The following RGS6 variants were observed in gnomAD, a reference collection of about 807,000 sequenced individuals.
RGS6 encodes the protein regulator of G-protein signaling 6.
Under a neutral mutation model 78.5 loss-of-function variants are expected in RGS6, and 30 were observed. The observed-to-expected ratio is 0.38, with a 90% CI of 0.29 to 0.52. RGS6 has a LOEUF of 0.52. Ranked by LOEUF, RGS6 falls within the 20% of genes least tolerant of loss-of-function variation. RGS6 has a pLI of 0.85. For synonymous variants in RGS6, 206 were observed against 206.0 expected (o/e 1.00, Z 0.00); for missense variants, 495 against 609.7 (o/e 0.81, Z 1.98).
At chr14:72,627,501 G>A in the RGS6 span, among the ~76,000 whole-genome samples, 29,887 of 151,856 alleles carry the variant, frequency 0.2, 3,251 homozygotes, top group African/African-American at 0.29. Flanking sequence ...TTCTATCTCA[G>A]CTGGTCTATT....
chr14:72,183,814 G>A (rs1303900781), intron 2 of RGS6, among the ~76,000 whole-genome samples: 1 of 152,162 alleles, frequency 6.6e-6, no homozygotes, highest in Non-Finnish European at 1.5e-5. Flanking sequence ...GCCTCTATGT[G>A]GCCATATGTG....
chr14:71,894,232 G>A, the RGS6 span, among the ~76,000 whole-genome samples: 1 of 152,078 alleles, frequency 6.6e-6, no homozygotes, highest in Non-Finnish European at 1.5e-5. Context: ...GGCATTCCTC[G>A]CCTCTCGATG....
chr14:72,009,033 G>T (rs1273245644), intron 2 of RGS6, among the ~76,000 whole-genome samples: 1 of 152,158 alleles, frequency 6.6e-6, no homozygotes, highest in African/African-American at 2.4e-5. Context: ...TATGTGCTAG[G>T]CAGAGGGTGT....
At chr14:71,876,836 G>A in the RGS6 span, among the ~76,000 whole-genome samples, 1 of 151,974 alleles carries the variant, frequency 6.6e-6, no homozygotes, top group East Asian at 1.9e-4. Flanking sequence ...TTCATTTTTA[G>A]TGCTTCCTTC....
intron 2 of RGS6, among the ~76,000 whole-genome samples, chr14:72,097,732 G>C (rs771055563): frequency 6.7e-6 from 1 of 150,072 alleles, no homozygotes; most frequent in Non-Finnish European, 1.5e-5. Context: ...CCAGCTGCTG[G>C]CTTCTGCATG....
At chr14:72,060,691 A>G (rs2093850623) in intron 2 of RGS6, among the ~76,000 whole-genome samples, 1 of 152,234 alleles carries the variant, frequency 6.6e-6, no homozygotes, top group Non-Finnish European at 1.5e-5. Flanking sequence ...CAAAATTAGA[A>G]GCATTGCCAA....
the RGS6 span, among the ~76,000 whole-genome samples, chr14:71,915,869 T>C: frequency 6.0e-4 from 92 of 152,256 alleles, 1 homozygote; most frequent in African/African-American, 2.1e-3. Flanking sequence ...GGTGTCCTTA[T>C]AAGCAGAGGA....
chr14:72,179,598 T>C lies in RGS6; in HGVS notation c.85-172497T>C, dbSNP rs368722795. Among the ~76,000 whole-genome samples the C allele has an allele frequency of 1.8e-4, 28 of 152,264 alleles. No individual in the cohort carries two copies. In the East Asian group the frequency reaches 3.5e-3, roughly 19 times the overall value. On this transcript the variant is annotated intron_variant, in intron 2 of 17. Transcript: ENST00000553525. ...GAAGCAGAGAATACTCAGCCAAATA[T>C]TTGCATTGATTCCTGCCAACACCAT... is the stretch of plus-strand genomic sequence containing the variant.
At chr14:72,618,300 C>A in the RGS6 span, among the ~76,000 whole-genome samples, 282 of 152,328 alleles carry the variant, frequency 1.9e-3, 1 homozygote, top group African/African-American at 6.6e-3. Flanking sequence ...GAATTCAGAG[C>A]GTCGCATCAA....
At chr14:72,267,310 A>G (rs1207772063) in intron 2 of RGS6, among the ~76,000 whole-genome samples, 1 of 151,822 alleles carries the variant, frequency 6.6e-6, no homozygotes, top group African/African-American at 2.4e-5. Flanking sequence ...ATTTCATGAT[A>G]CATAAAAATT....
At chr14:72,052,112 A>C (rs1274367341) in intron 2 of RGS6, among the ~76,000 whole-genome samples, 1 of 152,140 alleles carries the variant, frequency 6.6e-6, no homozygotes, top group African/African-American at 2.4e-5. Flanking sequence ...CAGCTTTTCC[A>C]ACTCTAGAGA....
rs927405826 is a variant in RGS6, at chr14:72,087,377, C to T, written c.84+122502C>T. On this transcript the variant is annotated intron_variant, in intron 2 of 17. Transcript: ENST00000553525. The stretch of plus-strand genomic sequence containing the variant: ...AACTCCTTACCTCAAGTGATCTGCC[C>T]GCCTTGGCCTCCCAAAGTGCTGGAA... Among the ~76,000 whole-genome samples the T allele has an allele frequency of 4.6e-5, 7 of 152,222 alleles. No homozygotes were observed. In the East Asian group the frequency reaches 5.8e-4, roughly 13 times the overall value.
chr14:72,221,853 C>T (rs2046941366), intron 2 of RGS6, among the ~76,000 whole-genome samples: 2 of 152,322 alleles, frequency 1.3e-5, no homozygotes, highest in South Asian at 2.1e-4. Context: ...AGGGCCCTCC[C>T]TGGGAGCTGG....
chr14:72,507,525 C>T (rs2096823351), intron 13 of RGS6, among the ~76,000 whole-genome samples: 1 of 152,208 alleles, frequency 6.6e-6, no homozygotes, highest in Admixed American at 6.5e-5. Flanking sequence ...ATGACCTTGC[C>T]ATTTTCCAGA....
the RGS6 span, among the ~76,000 whole-genome samples, chr14:72,613,370 C>T: frequency 6.6e-6 from 1 of 152,184 alleles, no homozygotes; most frequent in African/African-American, 2.4e-5. Flanking sequence ...GTAATTATAT[C>T]TCTGTCCAAG....
chr14:72,343,066 G>T (rs988983264), intron 2 of RGS6, among the ~76,000 whole-genome samples: 1 of 152,224 alleles, frequency 6.6e-6, no homozygotes, highest in Non-Finnish European at 1.5e-5. Flanking sequence ...ATATTTGCTG[G>T]TGATGGGGAT....
chr14:72,496,727 G>A (rs1016124449), intron 13 of RGS6, among the ~76,000 whole-genome samples: 2 of 152,190 alleles, frequency 1.3e-5, no homozygotes. Context: ...GAGACGCTAA[G>A]GGTACCATGA....
intron 3 of RGS6, among the ~76,000 whole-genome samples, chr14:72,410,389 T>A (rs1885238407): frequency 1.3e-5 from 2 of 152,372 alleles, no homozygotes; most frequent in African/African-American, 2.4e-5. Flanking sequence ...TCTGTTCATA[T>A]CCTTTGCCCA....
chr14:72,355,602 C>G (rs991466638), intron 3 of RGS6, among the ~76,000 whole-genome samples: 1 of 152,024 alleles, frequency 6.6e-6, no homozygotes, highest in African/African-American at 2.4e-5. Flanking sequence ...AAGTTCTACC[C>G]TCATGGAATT....
Sources: gnomAD v4.1 joint callset for allele counts (sites outside exome capture counted in the v4.1 genomes callset) on GRCh38, gnomAD v4.1.1 for gene constraint, MANE v1.5 for transcripts, NCBI Gene and HGNC (gene_info 2026-07-23, HGNC 2026-07-21) for gene names.